The following ENTPD1 variants were observed in gnomAD, a reference collection of about 807,000 sequenced individuals.
ENTPD1 encodes the protein ATP diphosphohydrolase.
A neutral mutation model predicts 57.0 loss-of-function variants in ENTPD1; 33 were observed. The ratio of observed to expected loss-of-function variants is 0.58; its 90% CI spans 0.44 to 0.77. ENTPD1 has a LOEUF of 0.77. Among genes scored for constraint, ENTPD1 ranks in the 30% least tolerant of loss-of-function variants. The pLI, the probability that ENTPD1 is intolerant of heterozygous loss-of-function variation, is 0.00. For synonymous variants in ENTPD1, 202 were observed against 218.8 expected, an observed-to-expected ratio of 0.92 and a Z score of 0.68; for missense variants, 501 against 603.4, an observed-to-expected ratio of 0.83 and a Z score of 1.78.
chr10:95,821,996 C>CTTTTTTTT (rs71034351), intron 1 of ENTPD1, among the ~76,000 whole-genome samples: 4 of 92,912 alleles, frequency 4.3e-5, no homozygotes, highest in Non-Finnish European at 6.0e-5. Flanking sequence ...TAGCTTTTGC[C>CTTTTTTTT]TTTTTTTTTT....
intron 1 of ENTPD1, among the ~76,000 whole-genome samples, chr10:95,761,021 G>A (rs1000378824): frequency 1.3e-5 from 2 of 151,740 alleles, no homozygotes; most frequent in African/African-American, 4.8e-5. Context: ...TAGTAGAGAC[G>A]GGGTTTCACT....
At chr10:95,829,299 G>C (rs2140651235) in intron 2 of ENTPD1, among the ~76,000 whole-genome samples, 1 of 152,354 alleles carries the variant, frequency 6.6e-6, no homozygotes, top group East Asian at 1.9e-4. Context: ...CTCAAGAGCT[G>C]TGGAGAGTGA....
intron 1 of ENTPD1, among the ~76,000 whole-genome samples, chr10:95,734,164 G>A (rs1421314680): frequency 2.6e-5 from 4 of 152,152 alleles, no homozygotes; most frequent in African/African-American, 9.7e-5. Flanking sequence ...AATATCAGAT[G>A]GGATCAAGCT....
At chr10:95,717,596 C>G (rs2097972951) in intron 1 of ENTPD1, among the ~76,000 whole-genome samples, 1 of 152,138 alleles carries the variant, frequency 6.6e-6, no homozygotes, top group African/African-American at 2.4e-5. Context: ...GAGTTGCAAG[C>G]CCCGTGTTTA....
intron 1 of ENTPD1, among the ~76,000 whole-genome samples, chr10:95,819,699 T>C (rs1372335389): frequency 6.6e-6 from 1 of 152,202 alleles, no homozygotes; most frequent in East Asian, 1.9e-4. Context: ...ATTACCTTGC[T>C]CTCTCACTTT....
At chr10:95,748,484 A>G (rs530076875) in intron 1 of ENTPD1, among the ~76,000 whole-genome samples, 2 of 152,302 alleles carry the variant, frequency 1.3e-5, no homozygotes, top group Admixed American at 1.3e-4. Context: ...AGCAGTTATA[A>G]TGTCATCCCT....
At chr10:95,719,431 T>C (rs2097975092) in intron 1 of ENTPD1, among the ~76,000 whole-genome samples, 1 of 152,212 alleles carries the variant, frequency 6.6e-6, no homozygotes, top group Non-Finnish European at 1.5e-5. Flanking sequence ...TATTTTGCCG[T>C]ACCTGGGAAT....
At position 95,870,820 on chromosome 10, in the gene ENTPD1, C is replaced by T; in HGVS notation, c.*4437C>T. The T allele has an allele frequency of 1.0e-6, 1 of 985,392 alleles. No homozygotes were observed. Among genetic ancestry groups the T allele is most frequent in the Non-Finnish European group, 1.2e-6 (1 of 829,922 alleles). 61.0% of individuals were successfully genotyped at this position (985,392 alleles called of 1,614,324 possible). Reference sequence around the variant, plus strand: ...ATGTTTCTTTCCATTTGTATTAGGTCCTTTACTTTTTATAACAGCCTCAAA... The same window carrying T: ...ATGTTTCTTTCCATTTGTATTAGGTTCTTTACTTTTTATAACAGCCTCAAA... On this transcript the variant is annotated 3_prime_UTR_variant, in exon 10 of 10. Transcript: ENST00000371205.
intron 1 of ENTPD1, among the ~76,000 whole-genome samples, chr10:95,793,659 G>A (rs1334644534): frequency 1.3e-5 from 2 of 152,194 alleles, no homozygotes; most frequent in Non-Finnish European, 2.9e-5. Flanking sequence ...ATGGGGTCAA[G>A]CAGTTGTAAT....
At chr10:95,770,459 A>G (rs916236073) in intron 1 of ENTPD1, among the ~76,000 whole-genome samples, 2 of 152,158 alleles carry the variant, frequency 1.3e-5, no homozygotes, top group African/African-American at 4.8e-5. Context: ...TTGTTAGTAA[A>G]GATTTCACAG....
upstream of ENTPD1, among the ~76,000 whole-genome samples, chr10:95,707,626 A>T (rs1324613648): frequency 1.3e-5 from 2 of 152,046 alleles, no homozygotes; most frequent in Non-Finnish European, 2.9e-5. Flanking sequence ...GTTTTTTGAG[A>T]CAGAGTCTTG....
At chr10:95,828,199 G>A (rs2098384320) in intron 2 of ENTPD1, among the ~76,000 whole-genome samples, 1 of 152,148 alleles carries the variant, frequency 6.6e-6, no homozygotes, top group Admixed American at 6.5e-5. Context: ...TCAGATCAGT[G>A]GCAGCATTAG....
chr10:95,836,365 C>A (rs796485510), intron 2 of ENTPD1, among the ~76,000 whole-genome samples: 19 of 151,614 alleles, frequency 1.3e-4, no homozygotes, highest in African/African-American at 4.6e-4. Flanking sequence ...TTTCTTTGGG[C>A]AATACGACGC....
chr10:95,869,195 T>C lies in ENTPD1; in HGVS notation c.*2812T>C, dbSNP rs554746315. 1.0e-6 allele frequency: 1 copy of C among 985,094 alleles called. No homozygotes were observed. Among genetic ancestry groups the C allele is most frequent in the East Asian group, 1.1e-4 (1 of 8,806 alleles). 61.0% of individuals were successfully genotyped at this position (985,094 alleles called of 1,614,324 possible). ...ATTCCTTTATAAGGTGGGAGTTTTT[T>C]TTCTATGAACCTATAGGGGAGAAAA... On this transcript the variant is annotated 3_prime_UTR_variant, in exon 10 of 10. Transcript: ENST00000371205.
upstream of ENTPD1, among the ~76,000 whole-genome samples, chr10:95,751,196 C>A (rs2098011424): frequency 6.6e-6 from 1 of 152,078 alleles, no homozygotes. Flanking sequence ...GATAAGGAGA[C>A]TAGAATTTTT....
At chr10:95,699,464 C>T in the ENTPD1 span, among the ~76,000 whole-genome samples, 3 of 151,864 alleles carry the variant, frequency 2.0e-5, no homozygotes, top group Non-Finnish European at 2.9e-5. Context: ...AAAAATTAGC[C>T]AGGTGTGGTA....
intron 1 of ENTPD1, among the ~76,000 whole-genome samples, chr10:95,728,454 G>A (rs932481874): frequency 7.9e-5 from 12 of 152,134 alleles, no homozygotes; most frequent in Non-Finnish European, 5.9e-5. Context: ...AGCTGCAGCC[G>A]CAAACCTCAA....
At chr10:95,818,467 A>G (rs956979578) in intron 1 of ENTPD1, among the ~76,000 whole-genome samples, 3 of 152,196 alleles carry the variant, frequency 2.0e-5, no homozygotes, top group East Asian at 1.9e-4. Flanking sequence ...AGGAACGTCA[A>G]TTGTGGAAGA....
At chr10:95,855,931 C>T (rs138791076) in intron 7 of ENTPD1, among the ~76,000 whole-genome samples, 5,715 of 152,192 alleles carry the variant, frequency 0.038, 130 homozygotes, top group Non-Finnish European at 0.049. Context: ...TTGCTCTTCT[C>T]GAGGAGTATC....
Sources: allele counts gnomAD v4.1 joint callset (sites outside exome capture counted in the v4.1 genomes callset), GRCh38; gene constraint gnomAD v4.1.1; transcripts MANE v1.5; gene names NCBI Gene and HGNC (gene_info 2026-07-23, HGNC 2026-07-21).